The following CAMTA2 variants were observed in gnomAD, a reference collection of about 807,000 sequenced individuals.
CAMTA2 encodes the protein calmodulin-binding transcription activator 2.
Under a neutral mutation model 135.7 loss-of-function variants are expected in CAMTA2, and 56 were observed. The ratio of observed to expected loss-of-function variants is 0.41; its 90% CI spans 0.33 to 0.52. The LOEUF is 0.52. Ranked by LOEUF, CAMTA2 falls within the 20% of genes least tolerant of loss-of-function variation. The pLI is 0.16. For missense variants in CAMTA2, 1,358 were observed against 1,553.4 expected (o/e 0.87, Z 2.11); for synonymous variants, 591 against 604.6 (o/e 0.98, Z 0.33).
rs1286238451 is a variant in CAMTA2, at chr17:4,982,876, T to C, written c.220A>G (p.Ile74Val). ...ACCTTCTTGCGATTGTAGAGGATGA[T>C]GGAGCCATTCTGAGGCCTGGGAAGG... ...APKTRPQNGS[I>V]ILYNRKKVKY... The change falls in exon 5 of 23, where the codon ATC becomes GTC. Residue 74 changes from isoleucine to valine, a missense_variant. Coordinates refer to ENST00000348066, the MANE Select transcript of CAMTA2 (RefSeq NM_015099.4). The C allele has an allele frequency of 6.2e-7, 1 of 1,614,162 alleles. No individual in the cohort carries two copies. Among genetic ancestry groups the C allele is most frequent in the Admixed American group, 1.7e-5 (1 of 60,030 alleles).
rs769012964 is a variant in CAMTA2, at chr17:4,968,746, G to T, written c.*10C>A. On this transcript the variant is annotated 3_prime_UTR_variant, in exon 23 of 23. Transcript: ENST00000348066. ...GCGCCCCCAGGGTGGTGAGAAAGGC[G>T]GTGGCCAGGTCATGTGGCCAGTCCC... 5.6e-6 allele frequency: 9 copies of T among 1,613,988 alleles called. No individual in the cohort carries two copies. The highest frequency in any genetic ancestry group is 7.6e-6 in the Non-Finnish European group (9 of 1,179,990).
In CAMTA2 at chr17:4,969,635, T is replaced by G. The variant is rs1006087600; in HGVS notation, c.3256A>C (p.Lys1086Gln). 6.2e-7 allele frequency: 1 copy of G among 1,614,150 alleles called. No homozygotes were observed. Among genetic ancestry groups the G allele is most frequent in the Non-Finnish European group, 8.5e-7 (1 of 1,180,022 alleles). The change falls in exon 19 of 23, where the codon AAG becomes CAG. Residue 1086 changes from lysine to glutamine, a missense_variant. Physicochemically the swap from Lys to Gln is moderately conservative, Grantham distance 53 (BLOSUM62 1). Transcript: ENST00000348066. The surrounding 1 kb of genome is among the most constrained non-coding windows in gnomAD (Gnocchi z 5.6). ...AVIQRCYRKY[K>Q]QLTWIALKFA... Reference sequence around the variant, plus strand: ...TTGAGGGAGAAGGGTCTCACCTGCTTGTACTTCCGGTAACAGCGCTGGATT... The same window carrying G: ...TTGAGGGAGAAGGGTCTCACCTGCTGGTACTTCCGGTAACAGCGCTGGATT...
In CAMTA2 at chr17:4,987,593, C is replaced by T. The variant is rs1444220476; in HGVS notation, c.-65G>A. On this transcript the variant is annotated splice_region_variant and 5_prime_UTR_variant, in exon 1 of 23. Transcript: ENST00000348066. Reference sequence around the variant, plus strand: ...GCGGGCGAGAGGCCCTGGCTCTTACCTCCCGGGGTCCCGCGGGTGACGGCG... The same window carrying T: ...GCGGGCGAGAGGCCCTGGCTCTTACTTCCCGGGGTCCCGCGGGTGACGGCG... The T allele has an allele frequency of 6.5e-7, 1 of 1,527,054 alleles. No individual in the cohort carries two copies. Among genetic ancestry groups the T allele is most frequent in the Non-Finnish European group, 8.8e-7 (1 of 1,142,702 alleles). 94.6% of individuals were successfully genotyped at this position (1,527,054 alleles called of 1,614,324 possible).
In CAMTA2 at chr17:4,969,128, G is replaced by GAGGGCT; in HGVS notation, c.3470+16_3470+21dup. Reference sequence around the variant, plus strand: ...GGCGTGGATGCAGTGGGTGGGCACAGAGGGCTGGGGCTGGGCCCTACTTGT... The same window carrying GAGGGCT: ...GGCGTGGATGCAGTGGGTGGGCACAGAGGGCTAGGGCTGGGGCTGGGCCCTACTTGT... On this transcript the variant is annotated intron_variant, in intron 21 of 22. Coordinates refer to ENST00000348066, the MANE Select transcript of CAMTA2 (RefSeq NM_015099.4). The surrounding 1 kb of genome is among the most constrained non-coding windows in gnomAD (Gnocchi z 5.6). 1 of 1,598,860 alleles carries GAGGGCT rather than the reference G, an allele frequency of 6.3e-7. No individual in the cohort carries two copies. Among genetic ancestry groups the GAGGGCT allele is most frequent in the South Asian group, 1.1e-5 (1 of 89,840 alleles).
chr17:4,973,960 A>G (rs1190474779), intron 12 of CAMTA2, 191 bp from the exon 13 acceptor site: 3 of 585,656 alleles, frequency 5.1e-6, no homozygotes, highest in Non-Finnish European at 9.0e-6. Flanking sequence ...TTCCTCCAGC[A>G]GCCAGACCTC....
At chr17:4,986,943 G>A in intron 1 of CAMTA2, 1 of 1,520,974 alleles carries the variant, frequency 6.6e-7, no homozygotes, top group Middle Eastern at 1.7e-4. Flanking sequence ...TGGCCTCCAG[G>A]CCTAGCCTAC....
Position 4,969,447 on chromosome 17 carries a change from C to A in CAMTA2, c.3282+53G>T. 1 of 1,611,854 alleles carries A rather than the reference C, an allele frequency of 6.2e-7. No individual in the cohort carries two copies. Among genetic ancestry groups the A allele is most frequent in the Non-Finnish European group, 8.5e-7 (1 of 1,177,920 alleles). ...CAAGACTCTCTGTAACCCACACACT[C>A]AAGGAAAGACTGAATCATCACAGAC... On this transcript the variant is annotated intron_variant, in intron 20 of 22. Coordinates refer to ENST00000348066, the MANE Select transcript of CAMTA2 (RefSeq NM_015099.4). This position sits in a 1 kb window ranked among gnomAD's most constrained non-coding sequence, Gnocchi z 5.6.
chr17:4,968,768 T>G lies in CAMTA2; in HGVS notation c.3597A>C (p.Gly1199=), dbSNP rs1177718576. The stretch of plus-strand genomic sequence containing the variant: ...GGCGGTGGCCAGGTCATGTGGCCAG[T>G]CCCGGCTGGGGAAGCCCTTCCAGCT... ...NQELEGLPQP[G]LAT The change falls in exon 23 of 23, where the codon GGA becomes GGC. Residue 1199 remains glycine, a synonymous_variant. Transcript: ENST00000348066. 3 of 1,613,976 alleles carry G rather than the reference T, an allele frequency of 1.9e-6. No homozygotes were observed. In the East Asian group the frequency reaches 6.7e-5, roughly 36 times the overall value.
chr17:4,974,043 G>C, intron 12 of CAMTA2: 1 of 536,142 alleles, frequency 1.9e-6, no homozygotes, highest in East Asian at 3.2e-5. Context: ...CTCCCCCTCA[G>C]AAGCCAGAGC....
In CAMTA2 at chr17:4,987,119, C is replaced by T. The variant is rs1466423805; in HGVS notation, c.-65+474G>A. 4.4e-6 allele frequency: 6 copies of T among 1,363,682 alleles called. No homozygotes were observed. The East Asian group carries it at 1.2e-4, about 28-fold the overall frequency. 84.5% of individuals were successfully genotyped at this position (1,363,682 alleles called of 1,614,324 possible). A position where few individuals can be genotyped will look rare whatever the true frequency, so the allele number is the denominator to read the frequency against. On this transcript the variant is annotated intron_variant, in intron 1 of 22. Transcript: ENST00000348066. ...AGTGAAGCTGGGGTTGGGGTAAGGACTCCGCCCCAGGGCGCAGGTGCGCAG... is the reference window on the plus strand; with the variant it reads ...AGTGAAGCTGGGGTTGGGGTAAGGATTCCGCCCCAGGGCGCAGGTGCGCAG...
chr17:4,968,366 C>T lies in CAMTA2; in HGVS notation c.*390G>A. On this transcript the variant is annotated 3_prime_UTR_variant, in exon 23 of 23. Coordinates refer to ENST00000348066, the MANE Select transcript of CAMTA2 (RefSeq NM_015099.4). Reference sequence around the variant, plus strand: ...AGCCCTGAAACACGAGGGGCGTGCGCAGCGAAGGCAGTGGTGGGAACCGAG... The same window carrying T: ...AGCCCTGAAACACGAGGGGCGTGCGTAGCGAAGGCAGTGGTGGGAACCGAG... 2 of 328,930 alleles carry T rather than the reference C, an allele frequency of 6.1e-6. No homozygotes were observed. Among genetic ancestry groups the T allele is most frequent in the South Asian group, 7.0e-5 (2 of 28,378 alleles). 20.4% of individuals were successfully genotyped at this position (328,930 alleles called of 1,614,324 possible). A position where few individuals can be genotyped will look rare whatever the true frequency, so the allele number is the denominator to read the frequency against.
In CAMTA2 at chr17:4,969,427, C is replaced by T; in HGVS notation, c.3282+73G>A. The stretch of plus-strand genomic sequence containing the variant: ...TCACCCAAGTTAGGCTGATGCAAGA[C>T]TCTCTGTAACCCACACACTCAAGGA... On this transcript the variant is annotated intron_variant, in intron 20 of 22. Transcript: ENST00000348066. The surrounding 1 kb of genome is among the most constrained non-coding windows in gnomAD (Gnocchi z 5.6). 1.2e-6 allele frequency: 2 copies of T among 1,607,218 alleles called. No individual in the cohort carries two copies. Among genetic ancestry groups the T allele is most frequent in the East Asian group, 2.3e-5 (1 of 43,928 alleles).
chr17:4,969,303 A>G lies in CAMTA2; in HGVS notation c.3317T>C (p.Ile1106Thr). The change falls in exon 21 of 23, where the codon ATC becomes ACC. Residue 1106 changes from isoleucine to threonine, a missense_variant. Physicochemically the swap from Ile to Thr is moderately conservative, Grantham distance 89 (BLOSUM62 -1). Around this residue, in one of 4 missense-constraint regions of CAMTA2, gnomAD observed 167 missense variants for 207.0 expected, o/e 0.81. Coordinates refer to ENST00000348066, the MANE Select transcript of CAMTA2 (RefSeq NM_015099.4). This position sits in a 1 kb window ranked among gnomAD's most constrained non-coding sequence, Gnocchi z 5.6. ...ALYKKMTQAAILIQSKFRSYY... is the reference protein window; with the variant it reads ...ALYKKMTQAATLIQSKFRSYY... Reference sequence around the variant, plus strand: ...GCTTCGGAACTTGCTCTGGATCAGGATGGCCGCCTGGGTCATCTTCTTATA... The same window carrying G: ...GCTTCGGAACTTGCTCTGGATCAGGGTGGCCGCCTGGGTCATCTTCTTATA... The G allele has an allele frequency of 1.2e-6, 2 of 1,613,952 alleles. No individual in the cohort carries two copies. Among genetic ancestry groups the G allele is most frequent in the Non-Finnish European group, 1.7e-6 (2 of 1,179,964 alleles).
chr17:4,982,030 G>A (rs1389265780), intron 6 of CAMTA2, 59 bp downstream of exon 6: 5 of 1,399,252 alleles, frequency 3.6e-6, no homozygotes, highest in Admixed American at 1.7e-5. Flanking sequence ...CCTTCTTTCA[G>A]ACCCGTGTCC....
In CAMTA2 at chr17:4,974,483, A is replaced by G; in HGVS notation, c.1918T>C (p.Ser640Pro). The G allele has an allele frequency of 6.2e-7, 1 of 1,613,382 alleles. No homozygotes were observed. Among genetic ancestry groups the G allele is most frequent in the Non-Finnish European group, 8.5e-7 (1 of 1,179,390 alleles). Reference protein sequence around the residue: ...LSLDDNQFRMSILERLEQMEK... With the variant: ...LSLDDNQFRMPILERLEQMEK... ...ATCTGCTCCAGTCGCTCTAGTATGGACATCCGGAACTGGTTGTCTGAGGGG... is the reference window on the plus strand; with the variant it reads ...ATCTGCTCCAGTCGCTCTAGTATGGGCATCCGGAACTGGTTGTCTGAGGGG... Residue 640 changes from serine to proline, a missense_variant, in exon 12 of 23, where the codon TCC becomes CCC. Ser to Pro is a moderately conservative substitution (Grantham distance 74, BLOSUM62 -1). This residue lies in a region of CAMTA2 where 1,077 missense variants were observed against 1,127.5 expected (regional missense o/e 0.96). Coordinates refer to ENST00000348066, the MANE Select transcript of CAMTA2 (RefSeq NM_015099.4).
chr17:4,986,565 C>G (rs956144399), intron 1 of CAMTA2: 11 of 513,934 alleles, frequency 2.1e-5, no homozygotes, highest in Non-Finnish European at 3.1e-5. Flanking sequence ...CTCAGAGGCC[C>G]TAAACCTTGA....
rs1567680432 is a variant in CAMTA2, at chr17:4,968,827, G to C, written c.3546-8C>G. ...TGCTTCAGTTCCCTCATCCTGCAGA[G>C]AGAAAGATAGGAGTCAGAGGAGACT... On this transcript the variant is annotated splice_region_variant and splice_polypyrimidine_tract_variant and intron_variant, in intron 22 of 22. Coordinates refer to ENST00000348066, the MANE Select transcript of CAMTA2 (RefSeq NM_015099.4). The C allele has an allele frequency of 1.9e-6, 3 of 1,613,784 alleles. No homozygotes were observed. The highest frequency in any genetic ancestry group is 2.2e-5 in the East Asian group (1 of 44,878).
chr17:4,976,827 G>A (rs1225807209), intron 11 of CAMTA2, among the ~76,000 whole-genome samples: 1 of 152,124 alleles, frequency 6.6e-6, no homozygotes, highest in Admixed American at 6.6e-5. Flanking sequence ...CCTTTGGGAT[G>A]GAGAAGGCAG....
At chr17:4,984,124 G>A (rs1973124983) in intron 3 of CAMTA2, among the ~76,000 whole-genome samples, 1 of 151,832 alleles carries the variant, frequency 6.6e-6, no homozygotes, top group African/African-American at 2.4e-5. Flanking sequence ...CTAATTTTTT[G>A]TATTTTTAGT....
Sources: allele counts gnomAD v4.1 joint callset (sites outside exome capture counted in the v4.1 genomes callset), GRCh38; gene constraint gnomAD v4.1.1; regional missense constraint gnomAD v4.1.1; non-coding constraint Gnocchi (gnomAD v3.1); transcripts MANE v1.5; gene names NCBI Gene and HGNC (gene_info 2026-07-23, HGNC 2026-07-21).